Variants in ATP6V1H observed in about 807,000 individuals in gnomAD.
ATP6V1H encodes the protein ATPase H+ transporting V1 subunit H.
In ATP6V1H, 39 loss-of-function variants were observed where a neutral mutation model predicts 71.7. The ratio of observed to expected loss-of-function variants is 0.54; its 90% CI spans 0.42 to 0.71. The LOEUF (loss-of-function observed/expected upper bound fraction) is 0.71. Ranked by LOEUF, ATP6V1H falls within the 30% of genes least tolerant of loss-of-function variation. ATP6V1H has a pLI of 0.00. For missense variants in ATP6V1H, 509 were observed against 594.9 expected (o/e 0.86, Z 1.50); for synonymous variants, 192 against 199.3 (o/e 0.96, Z 0.31).
At chr8:53,767,166 G>A (rs779799624) in intron 11 of ATP6V1H, among the ~76,000 whole-genome samples, 8 of 152,118 alleles carry the variant, frequency 5.3e-5, no homozygotes, top group Non-Finnish European at 8.8e-5. Context: ...AAGAACCTAC[G>A]TGATTTTCGG....
intron 13 of ATP6V1H, among the ~76,000 whole-genome samples, chr8:53,718,052 A>G (rs531413572): frequency 6.6e-6 from 1 of 152,290 alleles, no homozygotes; most frequent in South Asian, 2.1e-4. Flanking sequence ...CAGGCAGGGA[A>G]CTGGTAAGTT....
intron 11 of ATP6V1H, among the ~76,000 whole-genome samples, chr8:53,763,178 C>T (rs577711680): frequency 1.9e-4 from 29 of 152,182 alleles, no homozygotes; most frequent in African/African-American, 6.3e-4. Flanking sequence ...GGAGGAGGGT[C>T]GGCATCCCTA....
At chr8:53,744,945 C>T (rs1807547659) in intron 12 of ATP6V1H, among the ~76,000 whole-genome samples, 3 of 152,186 alleles carry the variant, frequency 2.0e-5, no homozygotes, top group Admixed American at 1.3e-4. Context: ...GACATAAAGC[C>T]TATGTCCCTG....
intron 8 of ATP6V1H, among the ~76,000 whole-genome samples, chr8:53,801,552 T>G (rs1299403452): frequency 6.6e-6 from 1 of 152,168 alleles, no homozygotes; most frequent in Non-Finnish European, 1.5e-5. Context: ...ATATTCTGAG[T>G]ACCTGGAATC....
chr8:53,807,441 GA>G (rs879540074), intron 7 of ATP6V1H, among the ~76,000 whole-genome samples: 11 of 141,480 alleles, frequency 7.8e-5, no homozygotes, highest in East Asian at 6.1e-4. Context: ...TCTCTACTTA[GA>G]AAAAAAAAAA....
intron 4 of ATP6V1H, among the ~76,000 whole-genome samples, chr8:53,820,006 A>G (rs1810595880): frequency 6.6e-6 from 1 of 151,970 alleles, no homozygotes; most frequent in Admixed American, 6.6e-5. Context: ...CACATTTGTA[A>G]TTAACCATAA....
chr8:53,793,301 A>T lies in ATP6V1H; in HGVS notation c.870+2346T>A, dbSNP rs531459355. On this transcript the variant is annotated intron_variant, in intron 9 of 13. Coordinates refer to ENST00000359530, the MANE Select transcript of ATP6V1H (RefSeq NM_015941.4). The stretch of plus-strand genomic sequence containing the variant: ...TGCACTCCCAATATATAGGTGATGG[A>T]AATGTAAATCTGCACATTTTTGAAA... Among the ~76,000 whole-genome samples the T allele has an allele frequency of 5.4e-4, 82 of 152,326 alleles. 1 individual carries two copies. The highest frequency in any genetic ancestry group is 1.0e-3 in the Non-Finnish European group (70 of 68,020).
chr8:53,744,350 T>G (rs16919536), intron 12 of ATP6V1H, among the ~76,000 whole-genome samples: 102 of 152,046 alleles, frequency 6.7e-4, no homozygotes, highest in African/African-American at 2.3e-3. Context: ...GAAAATCCAC[T>G]TATTACAAAC....
chr8:53,822,058 A>G (rs1177183067), intron 4 of ATP6V1H, among the ~76,000 whole-genome samples: 1 of 152,216 alleles, frequency 6.6e-6, no homozygotes, highest in Non-Finnish European at 1.5e-5. Context: ...GGTCTCAAAA[A>G]GTAAAACTAA....
In ATP6V1H at chr8:53,772,065, TCTG is replaced by T; in HGVS notation, c.970_972del (p.Gln324del). On this transcript the variant is annotated inframe_deletion, in exon 10 of 14. Coordinates refer to ENST00000359530, the MANE Select transcript of ATP6V1H (RefSeq NM_015941.4). Reference sequence around the variant, plus strand: ...TCGCTGATATCTTCATCATCGTACTTCTGCTGTTCCAAGTTCTCCAACTGTTTC... The same window carrying T: ...TCGCTGATATCTTCATCATCGTACTTCTGTTCCAAGTTCTCCAACTGTTTC... The T allele has an allele frequency of 6.2e-7, 1 of 1,614,120 alleles. No homozygotes were observed. Among genetic ancestry groups the T allele is most frequent in the Non-Finnish European group, 8.5e-7 (1 of 1,179,996 alleles).
Position 53,729,373 on chromosome 8 carries a change from A to G in ATP6V1H, c.1392-13349T>C, listed in dbSNP as rs536872629. 2.0e-5 allele frequency among the ~76,000 whole-genome samples: 3 copies of G among 152,304 alleles called. No individual in the cohort carries two copies. The East Asian group carries it at 5.8e-4, about 29-fold the overall frequency. Reference sequence around the variant, plus strand: ...CACCCACACCCAAGAGGCTATATGAAGCAGATTTATTACTTACAGATAGGA... The same window carrying G: ...CACCCACACCCAAGAGGCTATATGAGGCAGATTTATTACTTACAGATAGGA... On this transcript the variant is annotated intron_variant, in intron 13 of 13. Coordinates refer to ENST00000359530, the MANE Select transcript of ATP6V1H (RefSeq NM_015941.4).
chr8:53,748,401 A>T (rs1266532328), intron 12 of ATP6V1H, among the ~76,000 whole-genome samples: 1 of 152,214 alleles, frequency 6.6e-6, no homozygotes, highest in Non-Finnish European at 1.5e-5. Context: ...TGTTTATTAA[A>T]ATCTCAAAAG....
chr8:53,819,508 A>G (rs1218077383), intron 4 of ATP6V1H, among the ~76,000 whole-genome samples: 2 of 134,752 alleles, frequency 1.5e-5, no homozygotes, highest in African/African-American at 5.5e-5. Flanking sequence ...CTCCAGCCTC[A>G]GTGAGAGAGC....
At chr8:53,819,555 T>TATATAC (rs1208572909) in intron 4 of ATP6V1H, among the ~76,000 whole-genome samples, 1 of 103,794 alleles carries the variant, frequency 9.6e-6, no homozygotes, top group Non-Finnish European at 1.8e-5. Flanking sequence ...AGCATATATA[T>TATATAC]ATATATATAT....
chr8:53,772,530 A>G (rs916075066), intron 9 of ATP6V1H, among the ~76,000 whole-genome samples: 1 of 151,914 alleles, frequency 6.6e-6, no homozygotes, highest in Admixed American at 6.6e-5. Flanking sequence ...ATACTAAGAG[A>G]GAGTGTTTCT....
At chr8:53,795,255 C>T (rs770038458) in intron 9 of ATP6V1H, among the ~76,000 whole-genome samples, 1 of 152,060 alleles carries the variant, frequency 6.6e-6, no homozygotes, top group Non-Finnish European at 1.5e-5. Context: ...TTTATAGTTG[C>T]CTCAAAAATG....
intron 13 of ATP6V1H, among the ~76,000 whole-genome samples, chr8:53,733,153 T>C (rs1807081780): frequency 6.6e-6 from 1 of 152,222 alleles, no homozygotes; most frequent in Admixed American, 6.5e-5. Flanking sequence ...TCCAGACTCA[T>C]AACCCTACTT....
chr8:53,800,418 T>C (rs1809871068), intron 8 of ATP6V1H, among the ~76,000 whole-genome samples: 1 of 152,222 alleles, frequency 6.6e-6, no homozygotes, highest in South Asian at 2.1e-4. Flanking sequence ...TGTTTCACAA[T>C]TATTAGATTA....
chr8:53,774,415 ATC>A (rs1291694007), intron 9 of ATP6V1H, among the ~76,000 whole-genome samples: 5 of 152,214 alleles, frequency 3.3e-5, no homozygotes, highest in Non-Finnish European at 7.4e-5. Context: ...TTGAACTGTT[ATC>A]TTAAGTCAGA....
Sources: allele counts gnomAD v4.1 joint callset (sites outside exome capture counted in the v4.1 genomes callset), GRCh38; gene constraint gnomAD v4.1.1; transcripts MANE v1.5; gene names NCBI Gene and HGNC (gene_info 2026-07-23, HGNC 2026-07-21).